The following ATRNL1 variants were observed in gnomAD, a reference collection of about 807,000 sequenced individuals.
ATRNL1 encodes the protein attractin like 1.
ATRNL1 carries 95 observed loss-of-function variants against 182.7 expected under a neutral mutation model. The observed-to-expected ratio is 0.52, with a 90% CI of 0.44 to 0.62. The LOEUF is 0.62. Among genes scored for constraint, ATRNL1 ranks in the 20% least tolerant of loss-of-function variants. The probability of loss-of-function intolerance (pLI) is 0.00; values close to 1 mark genes in which losing one functional copy is unlikely to be tolerated. For missense variants in ATRNL1, 1,471 were observed against 1,679.5 expected, an observed-to-expected ratio of 0.88 and a Z score of 2.17; for synonymous variants, 576 against 568.3, an observed-to-expected ratio of 1.01 and a Z score of -0.19.
intron 10 of ATRNL1, among the ~76,000 whole-genome samples, chr10:115,242,335 G>T (rs1008737821): frequency 6.6e-6 from 1 of 151,764 alleles, no homozygotes; most frequent in Admixed American, 6.6e-5. Flanking sequence ...TTTTAGTTAC[G>T]CAATATAATC....
chr10:115,794,889 A>G (rs543764310), intron 27 of ATRNL1, among the ~76,000 whole-genome samples: 10 of 152,314 alleles, frequency 6.6e-5, no homozygotes, highest in African/African-American at 1.9e-4. Context: ...TTCCTTATTT[A>G]TATGACACCT....
chr10:115,320,360 G>A (rs1457482889), intron 18 of ATRNL1, among the ~76,000 whole-genome samples: 19 of 151,900 alleles, frequency 1.3e-4, no homozygotes, highest in Admixed American at 1.2e-3. Flanking sequence ...AGAATCTGAT[G>A]GTTATGTGTC....
At chr10:115,335,700 G>A (rs1855450045) in intron 19 of ATRNL1, among the ~76,000 whole-genome samples, 1 of 152,204 alleles carries the variant, frequency 6.6e-6, no homozygotes, top group Non-Finnish European at 1.5e-5. Flanking sequence ...GCATAAAACT[G>A]ATGCATATCC....
At chr10:115,416,736 A>G (rs1845408814) in intron 20 of ATRNL1, among the ~76,000 whole-genome samples, 1 of 152,232 alleles carries the variant, frequency 6.6e-6, no homozygotes, top group African/African-American at 2.4e-5. Context: ...GAAGGTAAAT[A>G]TATTATAGTA....
At chr10:115,579,862 CT>C (rs1223869430) in intron 26 of ATRNL1, among the ~76,000 whole-genome samples, 3 of 151,540 alleles carry the variant, frequency 2.0e-5, no homozygotes, top group Non-Finnish European at 3.0e-5. Context: ...ATTGCTGTTC[CT>C]TTTTCTTTTG....
intron 28 of ATRNL1, among the ~76,000 whole-genome samples, chr10:115,922,101 T>C (rs1953083397): frequency 6.6e-6 from 1 of 152,194 alleles, no homozygotes; most frequent in East Asian, 1.9e-4. Context: ...GAAACTACTC[T>C]GAACCCTGCC....
intron 19 of ATRNL1, among the ~76,000 whole-genome samples, chr10:115,380,772 T>C (rs892384218): frequency 6.6e-6 from 1 of 152,198 alleles, no homozygotes; most frequent in Non-Finnish European, 1.5e-5. Context: ...TATATCATAT[T>C]TTGTTTCTTC....
intron 20 of ATRNL1, among the ~76,000 whole-genome samples, chr10:115,418,432 G>T (rs1845501269): frequency 6.6e-6 from 1 of 152,018 alleles, no homozygotes; most frequent in Non-Finnish European, 1.5e-5. Context: ...AATGAAAAGG[G>T]CCAAAGAAAG....
chr10:115,467,123 A>T lies in ATRNL1; in HGVS notation c.3418-51A>T, dbSNP rs782733117. The T allele has an allele frequency of 4.2e-6, 4 of 959,426 alleles. No individual in the cohort carries two copies. The South Asian group carries it at 5.4e-5, about 13-fold the overall frequency. The allele number at this position is 959,426 out of a possible 1,614,324, so 59.4% of individuals were successfully genotyped here. A position where few individuals can be genotyped will look rare whatever the true frequency, so the allele number is the denominator to read the frequency against. On this transcript the variant is annotated intron_variant, in intron 22 of 28. Transcript: ENST00000355044. ...ATTAAATCAGTAGACTAAATCATAT[A>T]TATCTAGTGTAATTTTCGTTTTTTA...
intron 24 of ATRNL1, among the ~76,000 whole-genome samples, chr10:115,517,486 T>A (rs1426503071): frequency 6.6e-6 from 1 of 151,954 alleles, no homozygotes; most frequent in African/African-American, 2.4e-5. Flanking sequence ...TCTTTCAATG[T>A]GGATTCACCC....
chr10:115,426,190 A>G, intron 20 of ATRNL1, 60 bp from the exon 21 acceptor site: 5 of 1,404,428 alleles, frequency 3.6e-6, no homozygotes, highest in Non-Finnish European at 5.0e-6. Context: ...TGCTTGAAGA[A>G]AAACATGAGG....
intron 20 of ATRNL1, among the ~76,000 whole-genome samples, chr10:115,400,058 T>C (rs781884495): frequency 3.9e-5 from 6 of 152,064 alleles, no homozygotes; most frequent in Non-Finnish European, 7.4e-5. Context: ...TTCTATCATC[T>C]ATAAGGAATT....
chr10:115,811,582 T>G (rs1555086999), intron 27 of ATRNL1, among the ~76,000 whole-genome samples: 2 of 152,152 alleles, frequency 1.3e-5, no homozygotes, highest in Non-Finnish European at 2.9e-5. Flanking sequence ...ATTGTAGTCT[T>G]ATTTATTTCT....
chr10:115,764,173 G>A (rs1555074375), intron 27 of ATRNL1, among the ~76,000 whole-genome samples: 3 of 152,096 alleles, frequency 2.0e-5, no homozygotes. Context: ...AGCAGTTTTA[G>A]GTTCACAGCA....
chr10:115,105,887 G>T (rs946952353), intron 1 of ATRNL1, among the ~76,000 whole-genome samples: 19 of 152,206 alleles, frequency 1.2e-4, no homozygotes, highest in African/African-American at 3.9e-4. Flanking sequence ...GAGAACCTTT[G>T]TATGTCAGTG....
At chr10:115,619,176 G>A (rs1555021821) in intron 26 of ATRNL1, among the ~76,000 whole-genome samples, 1 of 152,114 alleles carries the variant, frequency 6.6e-6, no homozygotes, top group African/African-American at 2.4e-5. Context: ...AGGGACATCA[G>A]GCAGGCCAAT....
chr10:115,522,544 G>A (rs1387919443), intron 25 of ATRNL1, among the ~76,000 whole-genome samples: 1 of 152,146 alleles, frequency 6.6e-6, no homozygotes, highest in African/African-American at 2.4e-5. Context: ...ATGTGCTTTG[G>A]AGGGTCAAAT....
chr10:115,288,772 A>G (rs1852753844), intron 15 of ATRNL1, among the ~76,000 whole-genome samples: 1 of 151,634 alleles, frequency 6.6e-6, no homozygotes, highest in African/African-American at 2.4e-5. Flanking sequence ...TCCGCCCACC[A>G]TGGCCTCCCA....
chr10:115,134,154 C>G (rs1281969389), intron 5 of ATRNL1, among the ~76,000 whole-genome samples: 12 of 152,192 alleles, frequency 7.9e-5, no homozygotes, highest in East Asian at 1.9e-4. Context: ...CAAAAACATT[C>G]AAAAGCTAGC....
Sources: allele counts gnomAD v4.1 joint callset (sites outside exome capture counted in the v4.1 genomes callset), GRCh38; gene constraint gnomAD v4.1.1; transcripts MANE v1.5; gene names NCBI Gene and HGNC (gene_info 2026-07-23, HGNC 2026-07-21).